Variants in NLGN4X observed in about 807,000 individuals in gnomAD.
NLGN4X encodes neuroligin 4 X-linked.
NLGN4X carries 3 observed loss-of-function variants against 40.3 expected under a neutral mutation model. The ratio of observed to expected loss-of-function variants is 0.07; its 90% confidence interval spans 0.03 to 0.19. NLGN4X has a LOEUF of 0.19. Among genes scored for constraint, NLGN4X ranks in the 10% least tolerant of loss-of-function variants. The probability of loss-of-function intolerance (pLI) is 1.00; values close to 1 mark genes in which losing one functional copy is unlikely to be tolerated. For missense variants in NLGN4X, 382 were observed against 708.3 expected (o/e 0.54, Z 5.23); for synonymous variants, 270 against 306.8 (o/e 0.88, Z 1.25).
At chrX:6,089,255 C>A (rs187049880) in intron 2 of NLGN4X, among the ~76,000 whole-genome samples, 4 of 111,855 alleles carry the variant, frequency 3.6e-5, no homozygotes, top group Non-Finnish European at 7.5e-5. Flanking sequence ...AATGTTAACG[C>A]CTATTAAACT....
At chrX:5,978,294 TTCTTTCTTTC>T (rs2035256780) in intron 3 of NLGN4X, among the ~76,000 whole-genome samples, 1 of 70,317 alleles carries the variant, frequency 1.4e-5, no homozygotes, top group Non-Finnish European at 2.3e-5. Context: ...CTTTCTTTCT[TTCTTTCTTTC>T]TTTCTTTCTT....
chrX:5,929,691 C>A (rs191907299), intron 3 of NLGN4X, among the ~76,000 whole-genome samples: 1 of 111,965 alleles, frequency 8.9e-6, no homozygotes, highest in East Asian at 2.8e-4. Flanking sequence ...AAAGAAATAT[C>A]TTTTCTTCCT....
At chrX:5,938,077 G>C (rs2033791997) in intron 3 of NLGN4X, among the ~76,000 whole-genome samples, 1 of 111,299 alleles carries the variant, frequency 9.0e-6, no homozygotes, top group African/African-American at 3.3e-5. Context: ...GTTCAGGTTT[G>C]GGTAACGATT....
At chrX:6,046,929 A>G (rs1028934464) in intron 2 of NLGN4X, among the ~76,000 whole-genome samples, 11 of 108,353 alleles carry the variant, frequency 1.0e-4, no homozygotes, top group Admixed American at 9.1e-4. Flanking sequence ...TGTATATATA[A>G]TGTATCCATA....
intron 3 of NLGN4X, among the ~76,000 whole-genome samples, chrX:5,958,093 T>C (rs1249832040): frequency 9.0e-6 from 1 of 111,728 alleles, no homozygotes; most frequent in Non-Finnish European, 1.9e-5. Flanking sequence ...GTGTAGGACA[T>C]CTGATGGACA....
At chrX:5,988,386 AT>A (rs1031564884) in intron 3 of NLGN4X, among the ~76,000 whole-genome samples, 11 of 112,165 alleles carry the variant, frequency 9.8e-5, no homozygotes, top group Non-Finnish European at 1.7e-4. Flanking sequence ...CAATTTACCT[AT>A]TTATCTAGCC....
At chrX:5,945,690 C>T (rs193035477) in intron 3 of NLGN4X, among the ~76,000 whole-genome samples, 65 of 110,938 alleles carry the variant, frequency 5.9e-4, no homozygotes, top group Non-Finnish European at 5.1e-4. Flanking sequence ...CCAAATACTG[C>T]GTGTCCTCTC....
chrX:5,988,152 T>A (rs1187157531), intron 3 of NLGN4X, among the ~76,000 whole-genome samples: 1 of 111,953 alleles, frequency 8.9e-6, no homozygotes, highest in Non-Finnish European at 1.9e-5. Context: ...ATGGACACAC[T>A]TCCGTACAGT....
At chrX:6,073,662 C>T (rs1478959108) in intron 2 of NLGN4X, among the ~76,000 whole-genome samples, 3 of 110,621 alleles carry the variant, frequency 2.7e-5, no homozygotes, top group Admixed American at 9.7e-5. Flanking sequence ...ATGCCCAGGA[C>T]ACATTTATTA....
At chrX:5,937,580 ATTTC>A (rs1443562837) in intron 3 of NLGN4X, among the ~76,000 whole-genome samples, 3 of 111,147 alleles carry the variant, frequency 2.7e-5, no homozygotes, top group African/African-American at 9.8e-5. Context: ...TATTTACCTT[ATTTC>A]TTTATTACAT....
At chrX:6,220,686 CTAAA>C (rs1434116287) in intron 1 of NLGN4X, among the ~76,000 whole-genome samples, 3 of 107,131 alleles carry the variant, frequency 2.8e-5, no homozygotes, top group Non-Finnish European at 5.8e-5. Context: ...GTCTTCACTC[CTAAA>C]TAAGGAGTAC....
At chrX:5,907,619 T>C (rs1486115873) in intron 4 of NLGN4X, among the ~76,000 whole-genome samples, 2 of 111,298 alleles carry the variant, frequency 1.8e-5, no homozygotes, top group Admixed American at 1.9e-4. Context: ...GTTTCCTCTT[T>C]CTCCACTTTG....
At chrX:5,949,224 TTCTA>T (rs1188295883) in intron 3 of NLGN4X, among the ~76,000 whole-genome samples, 2 of 111,918 alleles carry the variant, frequency 1.8e-5, no homozygotes, top group Non-Finnish European at 3.8e-5. Flanking sequence ...CTGCATCCAT[TTCTA>T]TCTATCACAC....
chrX:5,973,106 A>G (rs1299448487), intron 3 of NLGN4X, among the ~76,000 whole-genome samples: 3 of 112,871 alleles, frequency 2.7e-5, no homozygotes, highest in Non-Finnish European at 5.6e-5. Context: ...GTAGATTTTT[A>G]AACAGATGAA....
intron 3 of NLGN4X, among the ~76,000 whole-genome samples, chrX:5,964,263 G>T (rs1429170827): frequency 8.9e-6 from 1 of 111,845 alleles, no homozygotes; most frequent in African/African-American, 3.2e-5. Flanking sequence ...TAGTACATTT[G>T]ACTGAGGAAA....
rs7049300 is a variant in NLGN4X, at chrX:5,903,745, G to A, written c.933C>T (p.Thr311=). 0.12 allele frequency: 143,725 copies of A among 1,209,508 alleles called. 6,131 individuals are homozygous for A. Among genetic ancestry groups the A allele is most frequent in the African/African-American group, 0.18 (10,149 of 56,972 alleles). Reference sequence around the variant, plus strand: ...TCCGCAGGCATTCTACCATGTCCGTGGTGTCCAGCATGTTGCAGCCGACCT... The same window carrying A: ...TCCGCAGGCATTCTACCATGTCCGTAGTGTCCAGCATGTTGCAGCCGACCT... The part of the protein sequence containing the change: ...ADKVGCNMLD[T]TDMVECLRNK... The change falls in exon 5 of 6, where the codon ACC becomes ACT. Residue 311 remains threonine (T), a synonymous_variant. Transcript: ENST00000381095.
intron 3 of NLGN4X, among the ~76,000 whole-genome samples, chrX:5,968,600 C>T (rs1273885409): frequency 9.7e-6 from 1 of 102,679 alleles, no homozygotes; most frequent in Non-Finnish European, 2.0e-5. Flanking sequence ...TCATGGTGGT[C>T]CCTAAACAGT....
chrX:5,960,406 A>G (rs2034622918), intron 3 of NLGN4X, among the ~76,000 whole-genome samples: 2 of 111,551 alleles, frequency 1.8e-5, no homozygotes, highest in Admixed American at 1.9e-4. Context: ...TCACTATATT[A>G]TACATTTCCT....
intron 2 of NLGN4X, among the ~76,000 whole-genome samples, chrX:6,067,689 A>G (rs921302004): frequency 9.0e-6 from 1 of 111,253 alleles, no homozygotes; most frequent in East Asian, 2.8e-4. Flanking sequence ...TATATTCCAT[A>G]TAATTATTTT....
Sources: allele counts gnomAD v4.1 joint callset (sites outside exome capture counted in the v4.1 genomes callset), GRCh38; gene constraint gnomAD v4.1.1; transcripts MANE v1.5; gene names NCBI Gene and HGNC (gene_info 2026-07-23, HGNC 2026-07-21).